Variants in ZNF407 observed in about 807,000 individuals in gnomAD.
ZNF407 encodes the protein zinc finger protein 407.
ZNF407 carries 17 observed loss-of-function variants against 131.2 expected under a neutral mutation model. The ratio of observed to expected loss-of-function variants is 0.13; its 90% CI spans 0.09 to 0.19. ZNF407 has a LOEUF of 0.19. ZNF407 is among the 10% of genes least tolerant of loss of function. The probability of loss-of-function intolerance (pLI) is 1.00; values close to 1 mark genes in which losing one functional copy is unlikely to be tolerated. For synonymous variants in ZNF407, 1,156 were observed against 1,062.0 expected (o/e 1.09, Z -1.72); for missense variants, 2,681 against 2,830.6 (o/e 0.95, Z 1.20).
At chr18:74,768,930 G>T (rs183125565) in intron 3 of ZNF407, among the ~76,000 whole-genome samples, 1 of 152,264 alleles carries the variant, frequency 6.6e-6, no homozygotes, top group East Asian at 1.9e-4. Context: ...CCAGTGCAAT[G>T]CTACAGTGTG....
At chr18:74,802,733 A>G (rs1181775482) in intron 4 of ZNF407, among the ~76,000 whole-genome samples, 1 of 152,204 alleles carries the variant, frequency 6.6e-6, no homozygotes, top group African/African-American at 2.4e-5. Flanking sequence ...AATATATTTA[A>G]ATTGCATATT....
At position 74,635,027 on chromosome 18, in the gene ZNF407, C is replaced by G. The variant is rs371272736; in HGVS notation, c.4008C>G (p.Val1336=). The G allele has an allele frequency of 1.2e-6, 2 of 1,613,938 alleles. No homozygotes were observed. The highest frequency in any genetic ancestry group is 1.7e-6 in the Non-Finnish European group (2 of 1,179,876). Residue 1336 remains valine (V), a synonymous_variant, in exon 2 of 9, where the codon GTC becomes GTG. Coordinates refer to ENST00000299687, the MANE Select transcript of ZNF407 (RefSeq NM_017757.3). This position sits in a 1 kb window ranked among gnomAD's most constrained non-coding sequence, Gnocchi z 4.7. ...ATAGCACAGTTGAAAGTAGTGATGT[C>G]TATGAAACTATAATTAGTATTGATG... The part of the protein sequence containing the change: ...ASDSTVESSD[V]YETIISIDDK...
rs144553110 is a variant in ZNF407, at chr18:74,758,811, C to T, written c.4803-22617C>T. Among the ~76,000 whole-genome samples the T allele has an allele frequency of 2.4e-3, 368 of 152,172 alleles. 1 individual carries two copies. Among genetic ancestry groups the T allele is most frequent in the Admixed American group, 5.2e-3 (79 of 15,282 alleles). Reference sequence around the variant, plus strand: ...GCCAGGCTGGTCTCGAACTCCTGACCTCAAATGATCCGCCCACCTTGACTT... The same window carrying T: ...GCCAGGCTGGTCTCGAACTCCTGACTTCAAATGATCCGCCCACCTTGACTT... On this transcript the variant is annotated intron_variant, in intron 3 of 8. Transcript: ENST00000299687.
chr18:74,848,377 G>A (rs1446964846), intron 4 of ZNF407, among the ~76,000 whole-genome samples: 2 of 152,090 alleles, frequency 1.3e-5, no homozygotes, highest in Non-Finnish European at 2.9e-5. Flanking sequence ...CAATAAAACC[G>A]TAAAAAAGAA....
intron 4 of ZNF407, among the ~76,000 whole-genome samples, chr18:74,825,618 A>T (rs949692453): frequency 3.3e-5 from 5 of 152,192 alleles, no homozygotes; most frequent in Admixed American, 3.3e-4. Context: ...TCAAAAATGT[A>T]TGCCAATAGG....
chr18:74,840,301 C>A (rs1381872065), intron 4 of ZNF407, among the ~76,000 whole-genome samples: 1 of 151,924 alleles, frequency 6.6e-6, no homozygotes, highest in Admixed American at 6.6e-5. Flanking sequence ...TCTTAGGGGT[C>A]TTACCCAGTG....
At chr18:74,789,415 G>A (rs757127250) in intron 4 of ZNF407, among the ~76,000 whole-genome samples, 149 of 152,240 alleles carry the variant, frequency 9.8e-4, no homozygotes, top group Non-Finnish European at 1.7e-3. Context: ...AGTTGTGTGC[G>A]TTGTTTCAGG....
intron 4 of ZNF407, among the ~76,000 whole-genome samples, chr18:74,864,574 T>C (rs1318880744): frequency 1.3e-5 from 2 of 152,230 alleles, no homozygotes; most frequent in Non-Finnish European, 2.9e-5. Context: ...TGTAAAATTA[T>C]TGAGTTTTAT....
intron 6 of ZNF407, among the ~76,000 whole-genome samples, chr18:74,887,164 AT>A (rs879796303): frequency 4.3e-4 from 65 of 152,108 alleles, no homozygotes; most frequent in African/African-American, 7.9e-4. Flanking sequence ...AGCTTCACCT[AT>A]TTTTTTTATT....
intron 8 of ZNF407, among the ~76,000 whole-genome samples, chr18:74,931,741 G>A (rs1295855529): frequency 6.6e-6 from 1 of 152,060 alleles, no homozygotes; most frequent in Non-Finnish European, 1.5e-5. Flanking sequence ...GTCACTCCAC[G>A]TACTCACCAG....
intron 8 of ZNF407, among the ~76,000 whole-genome samples, chr18:75,022,750 A>G (rs1474924476): frequency 2.6e-5 from 4 of 152,178 alleles, no homozygotes; most frequent in Admixed American, 6.5e-5. Flanking sequence ...AATTAGTTCA[A>G]CCACTGTGGA....
intron 3 of ZNF407, among the ~76,000 whole-genome samples, chr18:74,666,728 A>C (rs1985944639): frequency 6.6e-6 from 1 of 152,184 alleles, no homozygotes; most frequent in African/African-American, 2.4e-5. Flanking sequence ...CCACGCACCC[A>C]GTTCTGTAGG....
intron 1 of ZNF407, among the ~76,000 whole-genome samples, chr18:74,617,138 A>T (rs1599132910): frequency 6.2e-5 from 8 of 128,400 alleles, no homozygotes; most frequent in Non-Finnish European, 9.9e-5. Flanking sequence ...ATATCCACAC[A>T]CCACACACAT....
intron 8 of ZNF407, among the ~76,000 whole-genome samples, chr18:75,031,868 A>AG (rs1444662635): frequency 2.6e-5 from 4 of 152,228 alleles, no homozygotes; most frequent in Admixed American, 6.5e-5. Context: ...AGAGTGAGAA[A>AG]GGTACTTGGC....
chr18:74,709,487 T>C (rs531341410), intron 3 of ZNF407, among the ~76,000 whole-genome samples: 1 of 152,252 alleles, frequency 6.6e-6, no homozygotes, highest in South Asian at 2.1e-4. Flanking sequence ...ATATTGATAA[T>C]GTATTAATGT....
intron 4 of ZNF407, among the ~76,000 whole-genome samples, chr18:74,802,202 G>A (rs1417315959): frequency 6.6e-6 from 1 of 152,014 alleles, no homozygotes; most frequent in Non-Finnish European, 1.5e-5. Context: ...TTTTCAACTT[G>A]CATTTAGTCT....
intron 4 of ZNF407, among the ~76,000 whole-genome samples, chr18:74,872,900 T>C (rs1304311232): frequency 6.6e-6 from 1 of 152,160 alleles, no homozygotes; most frequent in African/African-American, 2.4e-5. Flanking sequence ...AAGTTTTTAA[T>C]AGCAGAATTA....
chr18:74,771,266 C>A (rs905473068), intron 3 of ZNF407, among the ~76,000 whole-genome samples: 1 of 152,152 alleles, frequency 6.6e-6, no homozygotes, highest in African/African-American at 2.4e-5. Flanking sequence ...TTATGTAACA[C>A]CTGTTAACTT....
At chr18:74,686,290 T>C (rs1167483573) in intron 3 of ZNF407, among the ~76,000 whole-genome samples, 2 of 152,222 alleles carry the variant, frequency 1.3e-5, no homozygotes, top group Admixed American at 1.3e-4. Context: ...ACCAAAACTA[T>C]TGTCATATTC....
Sources: gnomAD v4.1 joint callset for allele counts (sites outside exome capture counted in the v4.1 genomes callset) on GRCh38, gnomAD v4.1.1 for gene constraint, Gnocchi (gnomAD v3.1) non-coding constraint, MANE v1.5 for transcripts, NCBI Gene and HGNC (gene_info 2026-07-23, HGNC 2026-07-21) for gene names.